The following CNTN1 variants were observed in gnomAD, a reference collection of about 807,000 sequenced individuals.
CNTN1 encodes contactin-1.
CNTN1 carries 38 observed loss-of-function variants against 126.4 expected under a neutral mutation model. The observed-to-expected ratio is 0.30, with a 90% CI of 0.23 to 0.39. The LOEUF (loss-of-function observed/expected upper bound fraction) is 0.39. Among genes scored for constraint, CNTN1 ranks in the 10% least tolerant of loss-of-function variants. The pLI, the probability that CNTN1 is intolerant of heterozygous loss-of-function variation, is 1.00. For missense variants in CNTN1, 1,009 were observed against 1,248.4 expected (o/e 0.81, Z 2.89); for synonymous variants, 413 against 422.6 (o/e 0.98, Z 0.28).
chr12:41,026,823 T>C (rs1566171222), intron 21 of CNTN1, among the ~76,000 whole-genome samples: 1 of 152,074 alleles, frequency 6.6e-6, no homozygotes, highest in Non-Finnish European at 1.5e-5. Context: ...AGAAAATGGA[T>C]TGTGGTGGGT....
At chr12:40,946,619 T>C (rs2136960190) in intron 14 of CNTN1, among the ~76,000 whole-genome samples, 1 of 152,242 alleles carries the variant, frequency 6.6e-6, no homozygotes, top group East Asian at 1.9e-4. Context: ...AATTAACATG[T>C]TCTAACAATT....
intron 18 of CNTN1, 29 bp from the exon 19 acceptor site, chr12:41,016,653 A>G: frequency 6.9e-7 from 1 of 1,456,390 alleles, no homozygotes; most frequent in Non-Finnish European, 9.6e-7. Flanking sequence ...TATTACTAAA[A>G]CCTACTCAAT....
intron 1 of CNTN1, among the ~76,000 whole-genome samples, chr12:40,803,083 T>A (rs11178457): frequency 0.19 from 28,800 of 151,968 alleles, 2,943 homozygotes; most frequent in African/African-American, 0.25. Context: ...CTGGGTGCAA[T>A]GGTTTGGGTA....
intron 23 of CNTN1, among the ~76,000 whole-genome samples, chr12:41,033,553 C>A (rs1033850069): frequency 1.3e-5 from 2 of 152,066 alleles, no homozygotes; most frequent in African/African-American, 4.8e-5. Flanking sequence ...AGAAAGACTG[C>A]AGAACATTTT....
At chr12:40,943,953 T>G in intron 13 of CNTN1, 42 bp from the exon 14 acceptor site, 1 of 1,566,000 alleles carries the variant, frequency 6.4e-7, no homozygotes, top group Non-Finnish European at 8.8e-7. Flanking sequence ...ATATTGTGTC[T>G]TATATCTTCT....
At chr12:40,993,631 C>T (rs950219169) in intron 17 of CNTN1, among the ~76,000 whole-genome samples, 1 of 152,104 alleles carries the variant, frequency 6.6e-6, no homozygotes, top group Non-Finnish European at 1.5e-5. Flanking sequence ...TAGGCAGACT[C>T]TTGCTTGATT....
intron 1 of CNTN1, among the ~76,000 whole-genome samples, chr12:40,886,636 A>C (rs143710716): frequency 0.058 from 8,798 of 152,102 alleles, 518 homozygotes; most frequent in Admixed American, 0.16. Context: ...ACATGAAGTC[A>C]TTGCCCATGC....
chr12:40,769,582 T>C (rs1338409324), intron 1 of CNTN1, among the ~76,000 whole-genome samples: 1 of 152,156 alleles, frequency 6.6e-6, no homozygotes, highest in East Asian at 1.9e-4. Context: ...CAACCAGCAA[T>C]GTGAGGGCTT....
At chr12:40,888,319 T>C (rs184303937) in intron 1 of CNTN1, among the ~76,000 whole-genome samples, 11 of 152,328 alleles carry the variant, frequency 7.2e-5, no homozygotes, top group Admixed American at 2.6e-4. Context: ...CATTTCCTTA[T>C]ACGTGTACTT....
intron 1 of CNTN1, among the ~76,000 whole-genome samples, chr12:40,778,452 A>C (rs1939672098): frequency 6.6e-6 from 1 of 151,854 alleles, no homozygotes; most frequent in Non-Finnish European, 1.5e-5. Flanking sequence ...TCTGGCCTTT[A>C]TGCAAAATAT....
At chr12:40,693,127 C>T (rs1020558917) in intron 1 of CNTN1, among the ~76,000 whole-genome samples, 1 of 152,202 alleles carries the variant, frequency 6.6e-6, no homozygotes, top group Non-Finnish European at 1.5e-5. Flanking sequence ...CTGTTAAGAT[C>T]TAGCTCCCTT....
intron 1 of CNTN1, among the ~76,000 whole-genome samples, chr12:40,898,533 G>C (rs1944493844): frequency 6.6e-6 from 1 of 151,980 alleles, no homozygotes; most frequent in Non-Finnish European, 1.5e-5. Context: ...TTGAATTGAA[G>C]TGAATTTAAC....
chr12:41,020,547 A>T (rs1948884090), intron 20 of CNTN1, 107 bp downstream of exon 20: 1 of 725,630 alleles, frequency 1.4e-6, no homozygotes, highest in Admixed American at 2.3e-5. Flanking sequence ...TGTGGCAACT[A>T]ATACTTTATT....
At chr12:40,797,258 A>G (rs1226439530) in intron 1 of CNTN1, among the ~76,000 whole-genome samples, 1 of 152,124 alleles carries the variant, frequency 6.6e-6, no homozygotes, top group Non-Finnish European at 1.5e-5. Flanking sequence ...CTACCTAGAA[A>G]AAGTATGGAT....
At chr12:40,826,064 G>A (rs959244177) in intron 1 of CNTN1, among the ~76,000 whole-genome samples, 48 of 152,038 alleles carry the variant, frequency 3.2e-4, no homozygotes, top group African/African-American at 1.1e-3. Context: ...CCAGCCACCT[G>A]GTTATGCACT....
Position 41,072,096 on chromosome 12 carries a change from A to G in CNTN1, c.*2061A>G, listed in dbSNP as rs1592497429. The G allele has an allele frequency of 6.6e-6, 1 of 152,230 alleles. No individual in the cohort carries two copies. The highest frequency in any genetic ancestry group is 2.4e-5 in the African/African-American group (1 of 41,470). 9.4% of individuals were successfully genotyped at this position (152,230 alleles called of 1,614,324 possible). On this transcript the variant is annotated 3_prime_UTR_variant, in exon 24 of 24. Coordinates refer to ENST00000551295, the MANE Select transcript of CNTN1 (RefSeq NM_001843.4). Reference sequence around the variant, plus strand: ...AAATCTCTCGTACACTGATAACTCAAGCTTTTCATTTTCTCATACAGTTGT... The same window carrying G: ...AAATCTCTCGTACACTGATAACTCAGGCTTTTCATTTTCTCATACAGTTGT...
In CNTN1 at chr12:40,977,698, T is replaced by A. The variant is rs182638091; in HGVS notation, c.1805-3211T>A. Reference sequence around the variant, plus strand: ...ATTGTTAATAGATAAGGTTTCCTGATGGCTTTCTATGTACCAGGCTGAGAA... The same window carrying A: ...ATTGTTAATAGATAAGGTTTCCTGAAGGCTTTCTATGTACCAGGCTGAGAA... On this transcript the variant is annotated intron_variant, in intron 15 of 23. Transcript: ENST00000551295. 1.5e-3 allele frequency among the ~76,000 whole-genome samples: 225 copies of A among 152,318 alleles called. 1 individual carries two copies. The highest frequency in any genetic ancestry group is 4.5e-3 in the African/African-American group (188 of 41,586).
intron 1 of CNTN1, among the ~76,000 whole-genome samples, chr12:40,885,404 G>A (rs774843020): frequency 4.6e-5 from 7 of 151,816 alleles, no homozygotes; most frequent in Non-Finnish European, 7.4e-5. Context: ...TTTTCAATTG[G>A]TGGGATTATA....
intron 1 of CNTN1, among the ~76,000 whole-genome samples, chr12:40,772,888 C>T (rs113736870): frequency 6.6e-6 from 1 of 151,836 alleles, no homozygotes; most frequent in Non-Finnish European, 1.5e-5. Flanking sequence ...ACTTCACATG[C>T]TGTTAATTTC....
Sources: gnomAD v4.1 joint callset for allele counts (sites outside exome capture counted in the v4.1 genomes callset) on GRCh38, gnomAD v4.1.1 for gene constraint, MANE v1.5 for transcripts, NCBI Gene and HGNC (gene_info 2026-07-23, HGNC 2026-07-21) for gene names.